Variants in SVEP1 observed in about 807,000 individuals in gnomAD.
SVEP1 encodes the protein sushi, von Willebrand factor type A, EGF and pentraxin domain-containing protein 1.
In SVEP1, 164 loss-of-function variants were observed where a neutral mutation model predicts 367.3. The observed-to-expected ratio is 0.45, with a 90% CI of 0.39 to 0.51. SVEP1 has a LOEUF of 0.51. Ranked by LOEUF, SVEP1 falls within the 20% of genes least tolerant of loss-of-function variation. The pLI is 0.00. For missense variants in SVEP1, 4,117 were observed against 4,425.3 expected (o/e 0.93, Z 1.98); for synonymous variants, 1,666 against 1,611.6 (o/e 1.03, Z -0.81).
chr9:110,409,502 C>T (rs150911644), intron 37 of SVEP1, among the ~76,000 whole-genome samples: 8 of 152,178 alleles, frequency 5.3e-5, no homozygotes, highest in African/African-American at 1.9e-4. Flanking sequence ...CAGTTTTGAG[C>T]CCATAACAAG....
chr9:110,403,137 T>C (rs1396676984), intron 39 of SVEP1, among the ~76,000 whole-genome samples: 2 of 151,990 alleles, frequency 1.3e-5, no homozygotes, highest in Non-Finnish European at 2.9e-5. Context: ...CTCTGCCACA[T>C]TCCTCTGCTT....
intron 27 of SVEP1, among the ~76,000 whole-genome samples, chr9:110,438,583 T>C (rs554297422): frequency 4.7e-4 from 72 of 152,212 alleles, no homozygotes; most frequent in Non-Finnish European, 8.5e-4. Context: ...TATTACTGGA[T>C]GTTGGCCTTG....
At chr9:110,518,454 A>C (rs1260876622) in intron 3 of SVEP1, among the ~76,000 whole-genome samples, 1 of 152,024 alleles carries the variant, frequency 6.6e-6, no homozygotes, top group Non-Finnish European at 1.5e-5. Context: ...GTTATATATA[A>C]AAGAGAGTAT....
In SVEP1 at chr9:110,474,874, GAATA is replaced by G. The variant is rs1356519171; in HGVS notation, c.2599+1326_2599+1329del. 3.9e-5 allele frequency among the ~76,000 whole-genome samples: 6 copies of G among 151,994 alleles called. No homozygotes were observed. In the East Asian group the frequency reaches 1.2e-3, roughly 29 times the overall value. ...ACTGTACTGAAGTAGGATATTTAGT[GAATA>G]AAAATGTCCTCAATACAATGTTAAC... is the stretch of plus-strand genomic sequence containing the variant. On this transcript the variant is annotated intron_variant, in intron 14 of 47. Coordinates refer to ENST00000374469, the MANE Select transcript of SVEP1 (RefSeq NM_153366.4).
chr9:110,535,681 C>A (rs1224154068), intron 3 of SVEP1, among the ~76,000 whole-genome samples: 1 of 152,032 alleles, frequency 6.6e-6, no homozygotes, highest in African/African-American at 2.4e-5. Flanking sequence ...TCTCTGATTT[C>A]TTTGAGCAGT....
chr9:110,508,574 A>G (rs947590303), intron 5 of SVEP1, among the ~76,000 whole-genome samples: 1 of 151,966 alleles, frequency 6.6e-6, no homozygotes. Context: ...ATCCTGGCGA[A>G]CATGGTGAAA....
chr9:110,539,972 T>C (rs540304659), intron 3 of SVEP1, among the ~76,000 whole-genome samples: 10 of 152,168 alleles, frequency 6.6e-5, no homozygotes, highest in African/African-American at 1.2e-4. Context: ...CCTGGACAAA[T>C]TGCTTAAGTT....
chr9:110,481,433 G>T lies in SVEP1; in HGVS notation c.2174C>A (p.Ser725Tyr). ...TCDIHIVIKGSPCEIPFTPVN... is the reference protein window; with the variant it reads ...TCDIHIVIKGYPCEIPFTPVN... ...AGGTGTGAATGGAATTTCACAGGGA[G>T]AACCTGTGTAAAAAAAATTGTACTA... The change falls in exon 12 of 48, where the codon TCT becomes TAT. Residue 725 changes from serine (S) to tyrosine (Y), a missense_variant. Physicochemically the swap from Ser to Tyr is moderately radical, Grantham distance 144. This residue lies in a region of SVEP1 where 2,174 missense variants were observed against 2,494.3 expected (regional missense o/e 0.87). Transcript: ENST00000374469. 1 of 1,570,314 alleles carries T rather than the reference G, an allele frequency of 6.4e-7. No individual in the cohort carries two copies. The highest frequency in any genetic ancestry group is 8.6e-7 in the Non-Finnish European group (1 of 1,157,650).
chr9:110,448,166 C>T lies in SVEP1; in HGVS notation c.4104-1109G>A, dbSNP rs915632860. Among the ~76,000 whole-genome samples, 22 of 49,376 alleles carry T rather than the reference C, an allele frequency of 4.5e-4. No homozygotes were observed. The East Asian group carries it at 0.021, about 47-fold the overall frequency. The allele number at this position is 49,376 out of a possible 152,430, so 32.4% of individuals were successfully genotyped here. A position where few individuals can be genotyped will look rare whatever the true frequency, so the allele number is the denominator to read the frequency against. ...GTGTGTGTGCGCGTGTGTGTGTGCG[C>T]GCGCTCGCGCGTGTGTATGCATGTG... On this transcript the variant is annotated intron_variant, in intron 24 of 47. Coordinates refer to ENST00000374469, the MANE Select transcript of SVEP1 (RefSeq NM_153366.4).
At chr9:110,542,565 C>T (rs963964821) in intron 3 of SVEP1, among the ~76,000 whole-genome samples, 15 of 152,106 alleles carry the variant, frequency 9.9e-5, no homozygotes, top group Non-Finnish European at 1.9e-4. Context: ...GTTCTTCATA[C>T]TATGGACATT....
At chr9:110,560,297 C>G (rs1830410645) in intron 1 of SVEP1, among the ~76,000 whole-genome samples, 1 of 152,158 alleles carries the variant, frequency 6.6e-6, no homozygotes, top group South Asian at 2.1e-4. Context: ...TTTGTAAATA[C>G]AGTCTGTGAT....
At chr9:110,566,409 T>G (rs1448164861) in intron 1 of SVEP1, among the ~76,000 whole-genome samples, 1 of 152,070 alleles carries the variant, frequency 6.6e-6, no homozygotes, top group East Asian at 1.9e-4. Flanking sequence ...TGTGAAGATT[T>G]AATAAATTCA....
At chr9:110,374,007 CTTTTA>C (rs1827314716) in intron 46 of SVEP1, among the ~76,000 whole-genome samples, 1 of 151,578 alleles carries the variant, frequency 6.6e-6, no homozygotes, top group African/African-American at 2.4e-5. Flanking sequence ...TTTTTTTTAA[CTTTTA>C]TTTTAGGTTC....
At chr9:110,516,657 G>T (rs1297348106) in intron 3 of SVEP1, among the ~76,000 whole-genome samples, 1 of 152,038 alleles carries the variant, frequency 6.6e-6, no homozygotes, top group East Asian at 1.9e-4. Flanking sequence ...AGAAGAAAAT[G>T]ATCAAGATAA....
intron 6 of SVEP1, among the ~76,000 whole-genome samples, chr9:110,499,546 A>T (rs1829500689): frequency 6.6e-6 from 1 of 152,202 alleles, no homozygotes; most frequent in Non-Finnish European, 1.5e-5. Context: ...GCAGAATATT[A>T]TTTTATGGCT....
intron 40 of SVEP1, among the ~76,000 whole-genome samples, chr9:110,390,085 A>ATATATACGTG (rs1196514086): frequency 1.1e-5 from 1 of 89,104 alleles, no homozygotes; most frequent in Admixed American, 1.2e-4. Flanking sequence ...ATACGTGTAT[A>ATATATACGTG]TATACACATA....
chr9:110,479,694 CACA>C lies in SVEP1; in HGVS notation c.2425_2427del (p.Cys809del). 1 of 1,611,012 alleles carries C rather than the reference CACA, an allele frequency of 6.2e-7. No individual in the cohort carries two copies. The highest frequency in any genetic ancestry group is 8.5e-7 in the Non-Finnish European group (1 of 1,178,964). ...AACTTCTTCATCAGATCTGTGTCAT[CACA>C]ACGAGCTGCTTTGTAGAACATCTCA... On this transcript the variant is annotated inframe_deletion, in exon 13 of 48. Transcript: ENST00000374469.
intron 39 of SVEP1, 98 bp downstream of exon 39, chr9:110,404,229 A>G (rs935376192): frequency 8.3e-7 from 1 of 1,198,460 alleles, no homozygotes; most frequent in Non-Finnish European, 1.2e-6. Context: ...AAAACTTCAG[A>G]CTTTTTTTTC....
rs186816547 is a variant in SVEP1 at position 110,385,719 on chromosome 9, A to T, written c.10237+179T>A. On this transcript the variant is annotated intron_variant, in intron 43 of 47. Coordinates refer to ENST00000374469, the MANE Select transcript of SVEP1 (RefSeq NM_153366.4). The stretch of plus-strand genomic sequence containing the variant: ...AGTTTAGTTCTGGAAAGCTTTTTTT[A>T]AAATGTTTGAAATTCAAAGATTAAA... Among the ~76,000 whole-genome samples the T allele has an allele frequency of 5.6e-3, 859 of 152,332 alleles. 8 individuals carry two copies. Among genetic ancestry groups the T allele is most frequent in the Non-Finnish European group, 6.1e-3 (414 of 68,032 alleles).
Sources: allele counts gnomAD v4.1 joint callset (sites outside exome capture counted in the v4.1 genomes callset), GRCh38; gene constraint gnomAD v4.1.1; regional missense constraint gnomAD v4.1.1; transcripts MANE v1.5; gene names NCBI Gene and HGNC (gene_info 2026-07-23, HGNC 2026-07-21).